Variants in EIF3A observed in about 807,000 individuals in gnomAD.
EIF3A encodes eukaryotic translation initiation factor 3 subunit A.
EIF3A carries 21 observed loss-of-function variants against 186.6 expected under a neutral mutation model. That is an observed-to-expected ratio of 0.11 (90% CI 0.08 to 0.16). The LOEUF is 0.16. Ranked by LOEUF, EIF3A falls within the 10% of genes least tolerant of loss-of-function variation. The pLI, the probability that EIF3A is intolerant of heterozygous loss-of-function variation, is 1.00. For missense variants in EIF3A, 1,306 were observed against 1,796.3 expected (o/e 0.73, Z 4.93); for synonymous variants, 563 against 584.3 (o/e 0.96, Z 0.52).
At chr10:119,071,827 C>T (rs1421039221) in intron 4 of EIF3A, among the ~76,000 whole-genome samples, 2 of 150,228 alleles carry the variant, frequency 1.3e-5, no homozygotes. Context: ...AGATTGAGAC[C>T]ATCCTGGCTA....
chr10:119,079,804 G>C (rs1844233904), intron 1 of EIF3A, among the ~76,000 whole-genome samples: 1 of 152,196 alleles, frequency 6.6e-6, no homozygotes, highest in African/African-American at 2.4e-5. Flanking sequence ...TGGATGTCAA[G>C]AGACGTTGGT....
rs1168051813 is a variant in EIF3A, at chr10:119,033,916, CCA to C, written c.*2121_*2122del. The C allele has an allele frequency of 6.0e-6, 1 of 166,750 alleles. No individual in the cohort carries two copies. Among genetic ancestry groups the C allele is most frequent in the African/African-American group, 2.4e-5 (1 of 41,336 alleles). 10.3% of individuals were successfully genotyped at this position (166,750 alleles called of 1,614,324 possible). A position where few individuals can be genotyped will look rare whatever the true frequency, so the allele number is the denominator to read the frequency against. ...AGGCAGTTCTTTACATAAAAACGTC[CCA>C]CACGTTATAGATGCCAGCCACCTCC... On this transcript the variant is annotated 3_prime_UTR_variant, in exon 22 of 22. Transcript: ENST00000369144.
In EIF3A at chr10:119,036,250, G is replaced by A; in HGVS notation, c.3938C>T (p.Ala1313Val). The change falls in exon 22 of 22, where the codon GCT becomes GTT. Residue 1313 changes from alanine (A) to valine (V), a missense_variant. Coordinates refer to ENST00000369144, the MANE Select transcript of EIF3A (RefSeq NM_003750.4). ...EREEVSSWRRADDRKDDRVEE... is the reference protein window; with the variant it reads ...EREEVSSWRRVDDRKDDRVEE... The stretch of plus-strand genomic sequence containing the variant: ...CACCCGGTCATCTTTCCTGTCATCA[G>A]CACGTCTCCAAGAACTTACTAAAAA... The A allele has an allele frequency of 6.2e-7, 1 of 1,612,624 alleles. No homozygotes were observed. The highest frequency in any genetic ancestry group is 8.5e-7 in the Non-Finnish European group (1 of 1,179,630).
Position 119,080,766 on chromosome 10 carries a change from C to T in EIF3A, c.-90G>A. 1 of 1,496,860 alleles carries T rather than the reference C, an allele frequency of 6.7e-7. No individual in the cohort carries two copies. The highest frequency in any genetic ancestry group is 8.9e-7 in the Non-Finnish European group (1 of 1,120,786). The allele number at this position is 1,496,860 out of a possible 1,614,324, so 92.7% of individuals were successfully genotyped here. A position where few individuals can be genotyped will look rare whatever the true frequency, so the allele number is the denominator to read the frequency against. On this transcript the variant is annotated 5_prime_UTR_variant, in exon 1 of 22. Transcript: ENST00000369144. ...GACGAAGGGGAACCAGCGTAAGGTC[C>T]CACGCGCCTCGCCAGCAGTCGCCCG...
rs1848105503 is a variant in EIF3A at position 119,034,788 on chromosome 10, C to T, written c.*1251G>A. Reference sequence around the variant, plus strand: ...TGAAAACCCAAGGTGGTACTTCAAACACGCACATGCACACACAAACTCAGA... The same window carrying T: ...TGAAAACCCAAGGTGGTACTTCAAATACGCACATGCACACACAAACTCAGA... On this transcript the variant is annotated 3_prime_UTR_variant, in exon 22 of 22. Coordinates refer to ENST00000369144, the MANE Select transcript of EIF3A (RefSeq NM_003750.4). The T allele has an allele frequency of 6.6e-6, 1 of 152,186 alleles. No homozygotes were observed. Among genetic ancestry groups the T allele is most frequent in the Non-Finnish European group, 1.5e-5 (1 of 68,030 alleles). The allele number at this position is 152,186 out of a possible 1,614,324, so 9.4% of individuals were successfully genotyped here.
chr10:119,040,697 C>G (rs1848196045), intron 19 of EIF3A, among the ~76,000 whole-genome samples: 1 of 152,022 alleles, frequency 6.6e-6, no homozygotes, highest in Non-Finnish European at 1.5e-5. Context: ...ATGGTGAAAC[C>G]CCATCTCTAT....
At chr10:119,078,077 T>C (rs1044473477) in intron 1 of EIF3A, among the ~76,000 whole-genome samples, 8 of 152,324 alleles carry the variant, frequency 5.3e-5, no homozygotes, top group Admixed American at 2.0e-4. Flanking sequence ...ACATCAGCCC[T>C]TGATGTTTGC....
At chr10:119,053,790 A>G (rs957955938) in intron 14 of EIF3A, among the ~76,000 whole-genome samples, 2 of 152,232 alleles carry the variant, frequency 1.3e-5, no homozygotes, top group African/African-American at 4.8e-5. Context: ...AATCTTCTGA[A>G]TAACTTGCTG....
In EIF3A at chr10:119,033,872, TAAA is replaced by T. The variant is rs3061097; in HGVS notation, c.*2164_*2166del. The stretch of plus-strand genomic sequence containing the variant: ...TCAATCTATGGTCAGTGTCTTTGGT[TAAA>T]AAAAAAAAAAAACACAGGCAGTTCT... On this transcript the variant is annotated 3_prime_UTR_variant, in exon 22 of 22. Coordinates refer to ENST00000369144, the MANE Select transcript of EIF3A (RefSeq NM_003750.4). 74 of 160,694 alleles carry T rather than the reference TAAA, an allele frequency of 4.6e-4. No homozygotes were observed. The highest frequency in any genetic ancestry group is 4.3e-4 in the South Asian group (2 of 4,664). 10.0% of individuals were successfully genotyped at this position (160,694 alleles called of 1,614,324 possible). A position where few individuals can be genotyped will look rare whatever the true frequency, so the allele number is the denominator to read the frequency against.
rs968700901 is a variant in EIF3A, at chr10:119,050,589, C to T, written c.2405G>A (p.Arg802His). The change falls in exon 16 of 22, where the codon CGC becomes CAC. Residue 802 changes from arginine (R) to histidine (H), a missense_variant. Physicochemically the swap from Arg to His is conservative, Grantham distance 29. This residue lies in a region of EIF3A where 410 missense variants were observed against 473.5 expected (regional missense o/e 0.87). Coordinates refer to ENST00000369144, the MANE Select transcript of EIF3A (RefSeq NM_003750.4). ...EERKRQRKEERRITYYREKEE... is the reference protein window; with the variant it reads ...EERKRQRKEEHRITYYREKEE... ...TTTTTCTCTATAGTATGTTATCCTG[C>T]GTTCTTCTTTACGCTGCCTTTTCCG... 6 of 1,613,994 alleles carry T rather than the reference C, an allele frequency of 3.7e-6. No homozygotes were observed. In the Admixed American group the frequency reaches 5.0e-5, roughly 13 times the overall value.
chr10:119,064,509 T>C (rs928783097), intron 7 of EIF3A, among the ~76,000 whole-genome samples: 1 of 152,010 alleles, frequency 6.6e-6, no homozygotes, highest in Admixed American at 6.5e-5. Flanking sequence ...TGTTTAAAAG[T>C]GTGTGGTACC....
intron 19 of EIF3A, among the ~76,000 whole-genome samples, chr10:119,038,700 G>A (rs1848168928): frequency 1.3e-5 from 2 of 152,140 alleles, no homozygotes; most frequent in Admixed American, 6.5e-5. Context: ...GAGCCAGGTG[G>A]ATCACTTAAG....
chr10:119,054,554 A>T (rs79211264), intron 14 of EIF3A, among the ~76,000 whole-genome samples: 79 of 134,670 alleles, frequency 5.9e-4, no homozygotes, highest in Non-Finnish European at 1.0e-3. Flanking sequence ...GTCTCTAATT[A>T]AAAAAAAAAA....
rs141022993 is a variant in EIF3A, at chr10:119,042,384, G to A, written c.3136C>T (p.Arg1046Trp). The change falls in exon 19 of 22, where the codon CGG (arginine) becomes TGG (tryptophan). Residue 1046 changes from arginine (R) to tryptophan (W), a missense_variant. Arg to Trp is a moderately radical substitution (Grantham distance 101, BLOSUM62 -3). Coordinates refer to ENST00000369144, the MANE Select transcript of EIF3A (RefSeq NM_003750.4). This position sits in a 1 kb window ranked among gnomAD's most constrained non-coding sequence, Gnocchi z 7.8. ...RGPRRGMDDD[R>W]GPRRGGADDE... ...TCAGCGCCTCCTCGCCTCGGCCCCC[G>A]GTCATCATCCATCCCACGTCTTGGT... The A allele has an allele frequency of 3.0e-3, 4,818 of 1,613,978 alleles. 10 individuals carry two copies. Among genetic ancestry groups the A allele is most frequent in the Non-Finnish European group, 3.7e-3 (4,361 of 1,180,002 alleles).
intron 6 of EIF3A, among the ~76,000 whole-genome samples, chr10:119,067,468 G>A (rs1039537925): frequency 2.0e-5 from 3 of 152,152 alleles, no homozygotes; most frequent in Non-Finnish European, 4.4e-5. Flanking sequence ...GCGCTCGCCT[G>A]TAGTCTCTGC....
chr10:119,077,317 G>A (rs1370634085), intron 1 of EIF3A, among the ~76,000 whole-genome samples: 1 of 151,936 alleles, frequency 6.6e-6, no homozygotes, highest in Non-Finnish European at 1.5e-5. Context: ...TGGGCATGGT[G>A]GGACACACCT....
chr10:119,046,175 AAGAAT>A (rs1248561485), intron 17 of EIF3A, among the ~76,000 whole-genome samples: 1 of 152,202 alleles, frequency 6.6e-6, no homozygotes, highest in Non-Finnish European at 1.5e-5. Context: ...CCTTTACCGC[AAGAAT>A]AGAGAAAAAT....
chr10:119,058,621 C>A (rs770934713), intron 11 of EIF3A, among the ~76,000 whole-genome samples: 2 of 152,240 alleles, frequency 1.3e-5, no homozygotes, highest in East Asian at 1.9e-4. Context: ...GTGGCTCATG[C>A]GTGTAACCCC....
chr10:119,043,146 T>A (rs964430914), intron 18 of EIF3A, among the ~76,000 whole-genome samples: 1 of 144,990 alleles, frequency 6.9e-6, no homozygotes, highest in Admixed American at 6.8e-5. Flanking sequence ...TCACCAGGCG[T>A]AGTGGCCCAC....
Sources: allele counts gnomAD v4.1 joint callset (sites outside exome capture counted in the v4.1 genomes callset), GRCh38; gene constraint gnomAD v4.1.1; regional missense constraint gnomAD v4.1.1; non-coding constraint Gnocchi (gnomAD v3.1); transcripts MANE v1.5; gene names NCBI Gene and HGNC (gene_info 2026-07-23, HGNC 2026-07-21).